Variants in CNTN3 observed in about 807,000 individuals in gnomAD.
The protein encoded by CNTN3 is contactin-3.
A neutral mutation model predicts 119.1 loss-of-function variants in CNTN3; 60 were observed. The observed-to-expected ratio is 0.50, with a 90% confidence interval of 0.41 to 0.62. CNTN3 has a LOEUF of 0.62. Ranked by LOEUF, CNTN3 falls within the 20% of genes least tolerant of loss-of-function variation. The pLI is 0.00. For missense variants in CNTN3, 1,101 were observed against 1,242.4 expected (o/e 0.89, Z 1.71); for synonymous variants, 450 against 438.7 (o/e 1.03, Z -0.32).
chr3:74,471,715 T>A (rs6549597), intron 4 of CNTN3, among the ~76,000 whole-genome samples: 122,329 of 152,158 alleles, frequency 0.8, 49,672 homozygotes, highest in African/African-American at 0.9. Flanking sequence ...TCTAGAACAT[T>A]CTGGGCTCTT....
At position 74,290,853 on chromosome 3, in the gene CNTN3, G is replaced by A. The variant is rs544765847; in HGVS notation, c.2517+4268C>T. Among the ~76,000 whole-genome samples the A allele has an allele frequency of 1.2e-4, 18 of 151,852 alleles. No homozygotes were observed. In the East Asian group the frequency reaches 2.1e-3, roughly 18 times the overall value. On this transcript the variant is annotated intron_variant, in intron 19 of 22. Coordinates refer to ENST00000263665, the MANE Select transcript of CNTN3 (RefSeq NM_020872.3). ...ACTACAGGCACCTGCCACTACGCCCGGCTAATTTTTTGTATTTTTATTTAT... is the reference window on the plus strand; with the variant it reads ...ACTACAGGCACCTGCCACTACGCCCAGCTAATTTTTTGTATTTTTATTTAT...
At chr3:74,317,609 C>T (rs541084704) in intron 13 of CNTN3, among the ~76,000 whole-genome samples, 6 of 152,196 alleles carry the variant, frequency 3.9e-5, no homozygotes, top group Non-Finnish European at 5.9e-5. Flanking sequence ...CTTAGTTTGG[C>T]TGGATATGAA....
chr3:74,404,244 C>T (rs912450063), intron 5 of CNTN3, among the ~76,000 whole-genome samples: 4 of 152,074 alleles, frequency 2.6e-5, no homozygotes, highest in Non-Finnish European at 5.9e-5. Flanking sequence ...GCCAAGAGAT[C>T]AGGAATTTTC....
chr3:74,297,101 C>T (rs1244507779), intron 18 of CNTN3, among the ~76,000 whole-genome samples: 1 of 152,126 alleles, frequency 6.6e-6, no homozygotes, highest in Non-Finnish European at 1.5e-5. Flanking sequence ...CTCAAACCTG[C>T]ACATTGCATG....
At chr3:74,427,538 T>G (rs1038949958) in intron 4 of CNTN3, among the ~76,000 whole-genome samples, 1 of 152,198 alleles carries the variant, frequency 6.6e-6, no homozygotes, top group Non-Finnish European at 1.5e-5. Flanking sequence ...TGGAAGATTA[T>G]ATGTGCCACC....
intron 1 of CNTN3, among the ~76,000 whole-genome samples, chr3:74,583,978 TTCTC>T (rs1244949525): frequency 6.6e-6 from 1 of 152,178 alleles, no homozygotes; most frequent in Non-Finnish European, 1.5e-5. Context: ...AAGGAACTAA[TTCTC>T]TCTGAGTCTC....
intron 3 of CNTN3, among the ~76,000 whole-genome samples, chr3:74,496,026 T>C (rs1217010912): frequency 6.6e-6 from 1 of 152,068 alleles, no homozygotes; most frequent in African/African-American, 2.4e-5. Flanking sequence ...CAGTGGCAAC[T>C]AGCCACACGT....
chr3:74,481,719 C>A (rs889286522), intron 4 of CNTN3, among the ~76,000 whole-genome samples: 1 of 151,456 alleles, frequency 6.6e-6, no homozygotes, highest in Non-Finnish European at 1.5e-5. Context: ...AAAAATACAA[C>A]AACTTTGGAA....
intron 2 of CNTN3, among the ~76,000 whole-genome samples, chr3:74,519,468 G>A (rs1253186016): frequency 6.6e-6 from 1 of 151,640 alleles, no homozygotes; most frequent in Admixed American, 6.6e-5. Flanking sequence ...CCTTTTAAAA[G>A]CTGATCTCAT....
At chr3:74,336,356 T>C (rs1559552751) in intron 12 of CNTN3, among the ~76,000 whole-genome samples, 175 bp downstream of exon 12, 1 of 152,292 alleles carries the variant, frequency 6.6e-6, no homozygotes, top group Non-Finnish European at 1.5e-5. Context: ...CACACTGTGC[T>C]GTGCTAAGGA....
intron 2 of CNTN3, among the ~76,000 whole-genome samples, chr3:74,514,369 C>G (rs1241267776): frequency 6.6e-6 from 1 of 152,128 alleles, no homozygotes; most frequent in Non-Finnish European, 1.5e-5. Context: ...TGCCATTTCA[C>G]TGTACATTCT....
At chr3:74,552,050 C>G (rs916275277) in intron 1 of CNTN3, among the ~76,000 whole-genome samples, 1 of 152,098 alleles carries the variant, frequency 6.6e-6, no homozygotes, top group Admixed American at 6.5e-5. Flanking sequence ...AGGTGTGAGC[C>G]ACTGCGCCTA....
At chr3:74,289,935 T>C (rs1702189966) in intron 19 of CNTN3, among the ~76,000 whole-genome samples, 2 of 152,232 alleles carry the variant, frequency 1.3e-5, no homozygotes, top group South Asian at 4.1e-4. Context: ...AATTCTAAAA[T>C]GGTGTGGACT....
chr3:74,528,804 C>T (rs1426382868), intron 1 of CNTN3, among the ~76,000 whole-genome samples: 4 of 151,810 alleles, frequency 2.6e-5, no homozygotes, highest in East Asian at 1.9e-4. Flanking sequence ...TTACTTCCTC[C>T]GTAAAGGGAA....
chr3:74,613,144 C>T (rs1481725280), intron 1 of CNTN3, among the ~76,000 whole-genome samples: 1 of 152,132 alleles, frequency 6.6e-6, no homozygotes. Context: ...CTCTGAAGGG[C>T]TCTGACTCAT....
intron 19 of CNTN3, among the ~76,000 whole-genome samples, chr3:74,290,241 T>A (rs573438468): frequency 1.5e-4 from 23 of 152,356 alleles, no homozygotes; most frequent in Admixed American, 1.4e-3. Flanking sequence ...TGTAGCGTAG[T>A]GCTCCTAGGC....
At chr3:74,265,012 A>G (rs981327735) in intron 22 of CNTN3, among the ~76,000 whole-genome samples, 1 of 152,178 alleles carries the variant, frequency 6.6e-6, no homozygotes, top group East Asian at 1.9e-4. Context: ...AAAACAACTT[A>G]ATCATTTTGA....
At chr3:74,435,144 T>C (rs1701845644) in intron 4 of CNTN3, among the ~76,000 whole-genome samples, 1 of 152,202 alleles carries the variant, frequency 6.6e-6, no homozygotes, top group South Asian at 2.1e-4. Flanking sequence ...TGATTTTGCA[T>C]TACCATCATA....
chr3:74,278,213 G>T (rs1701919309), intron 20 of CNTN3, among the ~76,000 whole-genome samples: 1 of 151,902 alleles, frequency 6.6e-6, no homozygotes, highest in Non-Finnish European at 1.5e-5. Flanking sequence ...CAAATTCAAT[G>T]CAAATCCCAT....
Sources: gnomAD v4.1 joint callset for allele counts (sites outside exome capture counted in the v4.1 genomes callset) on GRCh38, gnomAD v4.1.1 for gene constraint, MANE v1.5 for transcripts, NCBI Gene and HGNC (gene_info 2026-07-23, HGNC 2026-07-21) for gene names.